Variants in ANKRD11 observed in about 807,000 individuals in gnomAD.
ANKRD11 encodes the protein ankyrin repeat domain 11.
A neutral mutation model predicts 195.7 loss-of-function variants in ANKRD11; 17 were observed. The observed-to-expected ratio is 0.09, with a 90% CI of 0.06 to 0.13. The LOEUF (loss-of-function observed/expected upper bound fraction) is 0.13, where lower values mean the gene tolerates loss of function less well. Ranked by LOEUF, ANKRD11 falls within the 10% of genes least tolerant of loss-of-function variation. The probability of loss-of-function intolerance (pLI) is 1.00; values close to 1 mark genes in which losing one functional copy is unlikely to be tolerated. For synonymous variants in ANKRD11, 1,953 were observed against 1,528.1 expected (o/e 1.28, Z -6.49); for missense variants, 3,735 against 3,566.1 (o/e 1.05, Z -1.21).
Position 89,282,876 on chromosome 16 carries a change from G to A in ANKRD11, c.3666C>T (p.Asp1222=). The change falls in exon 9 of 13, where the codon GAC becomes GAT. Residue 1222 remains aspartate, a synonymous_variant. Coordinates refer to ENST00000301030, the MANE Select transcript of ANKRD11 (RefSeq NM_013275.6). ...ESTEKYKDRK[D]RASVDSTQDK... is the part of the protein sequence containing the mutation. ...CTTGCGTGGAGTCCACTGAGGCTCT[G>A]TCCTTCCTGTCCTTGTACTTTTCTG... 6.2e-7 allele frequency: 1 copy of A among 1,612,730 alleles called. No individual in the cohort carries two copies. The highest frequency in any genetic ancestry group is 8.5e-7 in the Non-Finnish European group (1 of 1,179,978).
At chr16:89,306,389 A>C (rs1422419576) in intron 3 of ANKRD11, among the ~76,000 whole-genome samples, 3 of 29,478 alleles carry the variant, frequency 1.0e-4, no homozygotes, top group African/African-American at 1.7e-4. Context: ...CTTACCTCCC[A>C]CTCCGCAGAC....
chr16:89,377,125 A>T (rs1444361606), intron 2 of ANKRD11, among the ~76,000 whole-genome samples: 1 of 152,176 alleles, frequency 6.6e-6, no homozygotes, highest in African/African-American at 2.4e-5. Context: ...GGTCCCCCAG[A>T]ACCCCGTGAG....
In ANKRD11 at chr16:89,305,719, TCCCACTCC is replaced by T. The variant is rs1567615352; in HGVS notation, c.88-383_88-376del. ...TCCCACTCCGCAGACACGCGCCACC[TCCCACTCC>T]GCAGACACGCGCCACCTACCTCCCA... On this transcript the variant is annotated intron_variant, in intron 3 of 12. Transcript: ENST00000301030. Among the ~76,000 whole-genome samples the T allele has an allele frequency of 1.1e-3, 105 of 93,808 alleles. 2 individuals carry two copies. Among genetic ancestry groups the T allele is most frequent in the Middle Eastern group, 8.9e-3 (1 of 112 alleles). The allele number at this position is 93,808 out of a possible 152,430, so 61.5% of individuals were successfully genotyped here. A position where few individuals can be genotyped will look rare whatever the true frequency, so the allele number is the denominator to read the frequency against.
In ANKRD11 at chr16:89,271,212, A is replaced by C. The variant is rs1597397208; in HGVS notation, c.7714-303T>G. On this transcript the variant is annotated intron_variant, in intron 11 of 12. Coordinates refer to ENST00000301030, the MANE Select transcript of ANKRD11 (RefSeq NM_013275.6). ...TGCCCCCAGGGGACAGTCAGAGCTC[A>C]GCCCACTGCCAACTCCTGGGAGAGA... The C allele has an allele frequency of 1.1e-5, 5 of 461,498 alleles. No homozygotes were observed. In the East Asian group the frequency reaches 2.1e-4, roughly 19 times the overall value. 28.6% of individuals were successfully genotyped at this position (461,498 alleles called of 1,614,324 possible). A position where few individuals can be genotyped will look rare whatever the true frequency, so the allele number is the denominator to read the frequency against.
rs572635406 is a variant in ANKRD11 at position 89,470,808 on chromosome 16, T to C, written c.-145+19437A>G. ...ATCAAGACTATCCTGGCTAACACGG[T>C]GAAACCCCGTCTCTACTAAAAAATA... On this transcript the variant is annotated intron_variant, in intron 1 of 12. Coordinates refer to ENST00000301030, the MANE Select transcript of ANKRD11 (RefSeq NM_013275.6). Among the ~76,000 whole-genome samples the C allele has an allele frequency of 1.0e-3, 155 of 151,478 alleles. 1 individual carries two copies. Among genetic ancestry groups the C allele is most frequent in the African/African-American group, 3.7e-3 (153 of 41,242 alleles).
intron 1 of ANKRD11, among the ~76,000 whole-genome samples, chr16:89,472,087 A>G (rs938570291): frequency 6.6e-6 from 1 of 152,182 alleles, no homozygotes; most frequent in Admixed American, 6.5e-5. Context: ...AAAGAGCATC[A>G]GGATCAGGGC....
intron 2 of ANKRD11, among the ~76,000 whole-genome samples, chr16:89,344,895 C>T (rs1274148392): frequency 1.3e-5 from 2 of 152,194 alleles, no homozygotes; most frequent in Admixed American, 6.5e-5. Flanking sequence ...CTGTATTTTC[C>T]TTAGTTTCAT....
intron 4 of ANKRD11, among the ~76,000 whole-genome samples, chr16:89,296,047 G>A (rs572676600): frequency 9.2e-4 from 125 of 135,526 alleles, no homozygotes; most frequent in Admixed American, 2.1e-3. Flanking sequence ...GGAGCACAGT[G>A]GCGCAATCTC....
At chr16:89,306,035 G>A (rs1597557225) in intron 3 of ANKRD11, among the ~76,000 whole-genome samples, 1 of 27,174 alleles carries the variant, frequency 3.7e-5, no homozygotes, top group Non-Finnish European at 6.5e-5. Flanking sequence ...CTCCCACTCC[G>A]CAGACACGCG....
chr16:89,410,225 G>A (rs947744238), intron 2 of ANKRD11, among the ~76,000 whole-genome samples: 7 of 152,142 alleles, frequency 4.6e-5, no homozygotes, highest in Admixed American at 1.3e-4. Flanking sequence ...CCAACCCGGT[G>A]GGTACGGCCC....
At chr16:89,471,549 C>T (rs1348099431) in intron 1 of ANKRD11, among the ~76,000 whole-genome samples, 1 of 152,104 alleles carries the variant, frequency 6.6e-6, no homozygotes. Context: ...TCCCAGCACT[C>T]TGGGAGGTAG....
chr16:89,476,008 C>A (rs375970343), intron 1 of ANKRD11, among the ~76,000 whole-genome samples: 4 of 150,552 alleles, frequency 2.7e-5, no homozygotes, highest in African/African-American at 9.8e-5. Context: ...GCCAAGATCA[C>A]GCCACTGCAC....
At chr16:89,373,650 C>T (rs545348336) in intron 2 of ANKRD11, among the ~76,000 whole-genome samples, 10 of 152,170 alleles carry the variant, frequency 6.6e-5, no homozygotes, top group South Asian at 2.1e-4. Context: ...CTTTACTTCA[C>T]GAAATGAAAA....
chr16:89,303,058 G>A (rs892232752), intron 4 of ANKRD11, among the ~76,000 whole-genome samples: 2 of 152,132 alleles, frequency 1.3e-5, no homozygotes, highest in African/African-American at 4.8e-5. Context: ...ATGATGAAAC[G>A]GCCACCACAA....
In ANKRD11 at chr16:89,267,659, A is replaced by G. The variant is rs1036385658; in HGVS notation, c.*819T>C. The G allele has an allele frequency of 3.9e-5, 6 of 152,358 alleles. No individual in the cohort carries two copies. Among genetic ancestry groups the G allele is most frequent in the African/African-American group, 1.4e-4 (6 of 41,468 alleles). 9.4% of individuals were successfully genotyped at this position (152,358 alleles called of 1,614,324 possible). On this transcript the variant is annotated 3_prime_UTR_variant, in exon 13 of 13. Coordinates refer to ENST00000301030, the MANE Select transcript of ANKRD11 (RefSeq NM_013275.6). ...AATTAATTTATTTATTTCTTTACAC[A>G]TAACTGAAAGTGATGTTACAGTACA...
At chr16:89,402,024 GT>G (rs2041713483) in intron 2 of ANKRD11, among the ~76,000 whole-genome samples, 1 of 150,648 alleles carries the variant, frequency 6.6e-6, no homozygotes, top group African/African-American at 2.5e-5. Flanking sequence ...GATCCTTGCT[GT>G]GAAAGCTCCT....
intron 1 of ANKRD11, among the ~76,000 whole-genome samples, chr16:89,423,696 G>A (rs375146051): frequency 1.3e-5 from 2 of 152,320 alleles, no homozygotes; most frequent in South Asian, 4.1e-4. Flanking sequence ...GTTCACAGCT[G>A]TTTTATTCAT....
intron 1 of ANKRD11, among the ~76,000 whole-genome samples, chr16:89,478,807 C>T (rs1188557201): frequency 6.6e-6 from 1 of 152,200 alleles, no homozygotes; most frequent in Non-Finnish European, 1.5e-5. Context: ...CATCAAAGAA[C>T]CACACCTCCA....
rs776244135 is a variant in ANKRD11 at position 89,281,172 on chromosome 16, C to G, written c.5370G>C (p.Ser1790=). ...GGGTCCTCCTAATGTCGACAGAGAC[C>G]GAGCGGTAAAGGTTTGTGGAGAGAG... The part of the protein sequence containing the change: ...ARPLSTNLYR[S]VSVDIRRTPE... Residue 1790 remains serine (S), a synonymous_variant, in exon 9 of 13, where the codon TCG becomes TCC. Coordinates refer to ENST00000301030, the MANE Select transcript of ANKRD11 (RefSeq NM_013275.6). This position sits in a 1 kb window ranked among gnomAD's most constrained non-coding sequence, Gnocchi z 5.5. 1.2e-6 allele frequency: 2 copies of G among 1,614,122 alleles called. No individual in the cohort carries two copies. The highest frequency in any genetic ancestry group is 1.1e-5 in the South Asian group (1 of 91,078).
Sources: gnomAD v4.1 joint callset for allele counts (sites outside exome capture counted in the v4.1 genomes callset) on GRCh38, gnomAD v4.1.1 for gene constraint, Gnocchi (gnomAD v3.1) non-coding constraint, MANE v1.5 for transcripts, NCBI Gene and HGNC (gene_info 2026-07-23, HGNC 2026-07-21) for gene names.